MACROD1: variants seen among roughly 807,000 people sequenced by gnomAD.
The protein encoded by MACROD1 is mono-ADP ribosylhydrolase 1.
Under a neutral mutation model 41.4 loss-of-function variants are expected in MACROD1, and 31 were observed. The observed-to-expected ratio is 0.75, with a 90% CI of 0.56 to 1.01. The LOEUF is 1.01. Among genes scored for constraint, MACROD1 ranks in the 50% least tolerant of loss-of-function variants. The pLI is 0.00. For synonymous variants in MACROD1, 252 were observed against 203.4 expected (o/e 1.24, Z -2.03); for missense variants, 473 against 460.0 (o/e 1.03, Z -0.26).
chr11:64,078,974 C>T (rs1021663289), intron 3 of MACROD1, among the ~76,000 whole-genome samples: 1 of 152,164 alleles, frequency 6.6e-6, no homozygotes, highest in African/African-American at 2.4e-5. Flanking sequence ...GGTCTGTAGA[C>T]TCCGACAAGG....
intron 4 of MACROD1, among the ~76,000 whole-genome samples, chr11:64,013,181 G>T (rs1301639728): frequency 1.3e-5 from 2 of 152,144 alleles, no homozygotes; most frequent in Admixed American, 6.5e-5. Flanking sequence ...TTTTCAGGGG[G>T]TAGAAGACAA....
intron 3 of MACROD1, among the ~76,000 whole-genome samples, chr11:64,037,631 C>T (rs1181222210): frequency 6.6e-6 from 1 of 152,104 alleles, no homozygotes; most frequent in Non-Finnish European, 1.5e-5. Flanking sequence ...GCTGAAGGGT[C>T]GGCCATGGGC....
chr11:64,148,937 G>A, intron 3 of MACROD1: 1 of 985,428 alleles, frequency 1.0e-6, no homozygotes, highest in Non-Finnish European at 1.2e-6. Flanking sequence ...ACGGCTGAAA[G>A]GAGACTCGGG....
chr11:64,118,088 G>A (rs149018598), intron 3 of MACROD1: 2 of 1,611,902 alleles, frequency 1.2e-6, no homozygotes, highest in Admixed American at 1.7e-5. Flanking sequence ...GGACCAAGAA[G>A]GATAACTCCA....
chr11:64,063,472 T>C (rs530659035), intron 3 of MACROD1, among the ~76,000 whole-genome samples: 2 of 152,186 alleles, frequency 1.3e-5, no homozygotes, highest in Admixed American at 6.5e-5. Context: ...TCTTGAAGGA[T>C]GAACAGTTCA....
chr11:64,065,546 T>C (rs570930840), intron 3 of MACROD1, among the ~76,000 whole-genome samples: 9 of 152,002 alleles, frequency 5.9e-5, no homozygotes, highest in Non-Finnish European at 5.9e-5. Flanking sequence ...TCCCAGCACT[T>C]TGGGAGGCCA....
chr11:64,044,759 GT>G (rs1166800454), intron 3 of MACROD1, among the ~76,000 whole-genome samples: 1 of 152,126 alleles, frequency 6.6e-6, no homozygotes, highest in Non-Finnish European at 1.5e-5. Flanking sequence ...TTTGGTATCT[GT>G]CATGCTCCCC....
At chr11:64,089,267 G>C (rs1944448831) in intron 3 of MACROD1, among the ~76,000 whole-genome samples, 1 of 152,172 alleles carries the variant, frequency 6.6e-6, no homozygotes, top group South Asian at 2.1e-4. Context: ...AGCAGGGCTT[G>C]GTGCTGCTGT....
chr11:64,112,812 C>A (rs1481804766), intron 3 of MACROD1, among the ~76,000 whole-genome samples: 2 of 152,186 alleles, frequency 1.3e-5, no homozygotes, highest in African/African-American at 4.8e-5. Context: ...CATAGGATTG[C>A]ACAGGGCCTT....
intron 1 of MACROD1, among the ~76,000 whole-genome samples, chr11:64,165,463 C>G (rs537691112): frequency 2.6e-5 from 4 of 152,318 alleles, no homozygotes; most frequent in African/African-American, 7.2e-5. Flanking sequence ...CACGCTGCCC[C>G]CTGCGTGGAC....
chr11:64,005,376 G>A (rs1942893920), intron 4 of MACROD1, among the ~76,000 whole-genome samples: 1 of 152,258 alleles, frequency 6.6e-6, no homozygotes, highest in Non-Finnish European at 1.5e-5. Context: ...GATAGGCTCA[G>A]AGAGGCAAAG....
chr11:64,037,282 C>T (rs1309454708), intron 3 of MACROD1, among the ~76,000 whole-genome samples: 1 of 152,152 alleles, frequency 6.6e-6, no homozygotes, highest in Non-Finnish European at 1.5e-5. Context: ...GGGGGACCCA[C>T]GATGCCACTG....
chr11:64,002,016 G>A (rs558942906), intron 4 of MACROD1, among the ~76,000 whole-genome samples: 1 of 152,342 alleles, frequency 6.6e-6, no homozygotes, highest in African/African-American at 2.4e-5. Context: ...AACTAACTTT[G>A]TAATGTGCTT....
chr11:64,040,805 G>A (rs1056001287), intron 3 of MACROD1, among the ~76,000 whole-genome samples: 1 of 152,114 alleles, frequency 6.6e-6, no homozygotes, highest in African/African-American at 2.4e-5. Context: ...GGAGTGAAGG[G>A]GCTGTGTCCT....
rs1943375566 is a variant in MACROD1, at chr11:64,036,138, C to G, written c.518-20857G>C. 1 of 152,140 alleles carries G rather than the reference C, an allele frequency of 6.6e-6. No individual in the cohort carries two copies. The highest frequency in any genetic ancestry group is 2.1e-4 in the South Asian group (1 of 4,834). The allele number at this position is 152,140 out of a possible 1,614,324, so 9.4% of individuals were successfully genotyped here. A position where few individuals can be genotyped will look rare whatever the true frequency, so the allele number is the denominator to read the frequency against. On this transcript the variant is annotated intron_variant, in intron 3 of 10. Transcript: ENST00000255681. The surrounding 1 kb of genome is among the most constrained non-coding windows in gnomAD (Gnocchi z 5.6). ...CACCGCAAAGTTTCCCGAGGAGACCCGCCTCCCCGGCCGCTGCGCAGGTAG... is the reference window on the plus strand; with the variant it reads ...CACCGCAAAGTTTCCCGAGGAGACCGGCCTCCCCGGCCGCTGCGCAGGTAG...
intron 3 of MACROD1, among the ~76,000 whole-genome samples, chr11:64,093,008 A>G (rs1017868155): frequency 6.6e-6 from 1 of 152,120 alleles, no homozygotes; most frequent in Non-Finnish European, 1.5e-5. Flanking sequence ...CCCTGGCCAC[A>G]CCGGAGTGGC....
At chr11:64,139,252 G>A (rs534485230) in intron 3 of MACROD1, among the ~76,000 whole-genome samples, 4 of 152,194 alleles carry the variant, frequency 2.6e-5, no homozygotes, top group Admixed American at 6.5e-5. Context: ...GCATCCTCCC[G>A]TCCTCCCTGG....
chr11:64,114,630 C>A (rs1944941243), intron 3 of MACROD1, among the ~76,000 whole-genome samples: 1 of 135,948 alleles, frequency 7.4e-6, no homozygotes, highest in Non-Finnish European at 1.6e-5. Flanking sequence ...TGGACAGGTG[C>A]ATGCATGAAT....
chr11:64,053,929 G>A (rs1276070472), intron 3 of MACROD1, among the ~76,000 whole-genome samples: 1 of 152,110 alleles, frequency 6.6e-6, no homozygotes, highest in East Asian at 1.9e-4. Context: ...CTGCTGGCCC[G>A]GAGTCATCCT....
Sources: gnomAD v4.1 joint callset for allele counts (sites outside exome capture counted in the v4.1 genomes callset) on GRCh38, gnomAD v4.1.1 for gene constraint, Gnocchi (gnomAD v3.1) non-coding constraint, MANE v1.5 for transcripts, NCBI Gene and HGNC (gene_info 2026-07-23, HGNC 2026-07-21) for gene names.